DDX3X: variants seen among roughly 807,000 people sequenced by gnomAD.
The protein encoded by DDX3X is DEAD-box helicase 3 X-linked.
Under a neutral mutation model 52.7 loss-of-function variants are expected in DDX3X, and 4 were observed. The ratio of observed to expected loss-of-function variants is 0.08; its 90% confidence interval spans 0.04 to 0.17. The LOEUF is 0.17. DDX3X is among the 10% of genes least tolerant of loss of function. The pLI is 1.00. For missense variants in DDX3X, 222 were observed against 548.6 expected, an observed-to-expected ratio of 0.40 and a Z score of 5.95; for synonymous variants, 192 against 178.1, an observed-to-expected ratio of 1.08 and a Z score of -0.62.
chrX:41,352,528 T>C (rs2063993080), downstream of DDX3X, among the ~76,000 whole-genome samples: 1 of 111,495 alleles, frequency 9.0e-6, no homozygotes, highest in South Asian at 3.7e-4. Context: ...GATCTTTCAG[T>C]GCAAGGCGAG....
chrX:41,347,048 T>C lies in DDX3X; in HGVS notation c.1769+36T>C, dbSNP rs190178652. The C allele has an allele frequency of 7.6e-5, 86 of 1,133,357 alleles. No individual in the cohort carries two copies. The East Asian group carries it at 2.5e-3, about 33-fold the overall frequency. 93.4% of individuals were successfully genotyped at this position (1,133,357 alleles called of 1,213,427 possible). ...AATAGTATATAATGAGGGGAATGGG[T>C]GTTCACTTACAGTTCATAGTGTTTC... On this transcript the variant is annotated intron_variant, in intron 15 of 16. Coordinates refer to ENST00000644876, the MANE Select transcript of DDX3X (RefSeq NM_001356.5).
downstream of DDX3X, chrX:41,351,765 T>C (rs1285316143): frequency 9.0e-6 from 1 of 111,598 alleles, no homozygotes; most frequent in African/African-American, 3.2e-5. Context: ...TAATGACTAC[T>C]CTTCAATTTC....
chrX:41,352,857 C>G (rs2063994340), downstream of DDX3X, among the ~76,000 whole-genome samples: 1 of 111,556 alleles, frequency 9.0e-6, no homozygotes, highest in Non-Finnish European at 1.9e-5. Flanking sequence ...CTGTTCACTC[C>G]CCTTCTTTTT....
At chrX:41,363,797 C>CAAAG (rs1569246537) in intron 5 of DDX3X, among the ~76,000 whole-genome samples, 1 of 110,516 alleles carries the variant, frequency 9.0e-6, no homozygotes, top group Admixed American at 9.7e-5. Flanking sequence ...ACAAAAGAAA[C>CAAAG]AAACAAACAA....
Position 41,341,671 on chromosome X carries a change from G to A in DDX3X, c.284+55G>A, listed in dbSNP as rs755168116. The A allele has an allele frequency of 2.1e-3, 2,284 of 1,095,262 alleles. 1 individual carries two copies. Among genetic ancestry groups the A allele is most frequent in the Non-Finnish European group, 2.6e-3 (2,059 of 799,549 alleles). 90.3% of individuals were successfully genotyped at this position (1,095,262 alleles called of 1,213,427 possible). A position where few individuals can be genotyped will look rare whatever the true frequency, so the allele number is the denominator to read the frequency against. On this transcript the variant is annotated intron_variant, in intron 4 of 16. Coordinates refer to ENST00000644876, the MANE Select transcript of DDX3X (RefSeq NM_001356.5). ...ATGTATAATAACAGTTTAATAAGTC[G>A]TTATCCTGACCACCTGTTTGGATGT...
intron 5 of DDX3X, among the ~76,000 whole-genome samples, chrX:41,360,335 G>A (rs1478720021): frequency 9.3e-6 from 1 of 107,502 alleles, no homozygotes; most frequent in Non-Finnish European, 1.9e-5. Flanking sequence ...CTGAGACCAT[G>A]CCATTGTATT....
chrX:41,354,344 C>CTTTTTT (rs60965317), downstream of DDX3X, among the ~76,000 whole-genome samples: 3 of 69,943 alleles, frequency 4.3e-5, no homozygotes, highest in East Asian at 7.8e-4. Flanking sequence ...TGTGCTACCT[C>CTTTTTT]TTTTTTTTTT....
chrX:41,337,612 T>G (rs746296937), intron 2 of DDX3X, 147 bp downstream of exon 2: 18 of 438,826 alleles, frequency 4.1e-5, no homozygotes, highest in Admixed American at 9.5e-5. Context: ...AATTATGTAG[T>G]ACTTAGTGAT....
chrX:41,333,809 G>A (rs778202850), upstream of DDX3X: 1 of 130,122 alleles, frequency 7.7e-6, no homozygotes, highest in Admixed American at 8.7e-5. Context: ...GGGGCGAAGA[G>A]GCCTAGGTTA....
upstream of DDX3X, chrX:41,334,058 C>A: frequency 2.3e-6 from 1 of 437,758 alleles, no homozygotes; most frequent in South Asian, 3.7e-5. Context: ...CAGAAGTCGC[C>A]GCGACAGGGA....
chrX:41,345,923 T>C (rs1027762966), intron 12 of DDX3X: 8 of 269,732 alleles, frequency 3.0e-5, no homozygotes, highest in Non-Finnish European at 4.5e-5. Context: ...CCATTTGGGC[T>C]GGGTGCAGTG....
Position 41,339,034 on chromosome X carries a change from A to T in DDX3X, c.104-2A>T. The T allele has an allele frequency of 1.0e-6, 1 of 977,039 alleles. No individual in the cohort carries two copies. The highest frequency in any genetic ancestry group is 1.3e-6 in the Non-Finnish European group (1 of 748,769). 80.5% of individuals were successfully genotyped at this position (977,039 alleles called of 1,213,427 possible). The stretch of plus-strand genomic sequence containing the variant: ...ATTTTATATATATATATATTTTTTT[A>T]GAAGGGCGCTATATTCCTCCTCATT... On this transcript the variant is annotated splice_acceptor_variant, in intron 2 of 16. Transcript: ENST00000644876. LOFTEE classifies it high-confidence loss of function.
At position 41,341,509 on chromosome X, in the gene DDX3X, G is replaced by C. The variant is rs757106048; in HGVS notation, c.177G>C (p.Gly59=). 1.7e-6 allele frequency: 2 copies of C among 1,205,687 alleles called. No individual in the cohort carries two copies. Among genetic ancestry groups the C allele is most frequent in the African/African-American group, 3.5e-5 (2 of 57,113 alleles). Residue 59 remains glycine, a synonymous_variant, in exon 4 of 17, where the codon GGG becomes GGC. Transcript: ENST00000644876. The part of the protein sequence containing the change: ...TKGFYDKDSS[G]WSSSKDKDAY... ...GTTTCTACGATAAAGACAGTTCAGG[G>C]TGGAGTTCTAGCAAAGATAAGGATG...
chrX:41,342,614 A>G lies in DDX3X; in HGVS notation c.404A>G (p.Asp135Gly). Residue 135 changes from aspartate (D) to glycine (G), a missense_variant, in exon 5 of 17, where the codon GAT becomes GGT. Transcript: ENST00000644876. ...SRWCDKSDED[D>G]WSKPLPPSER... is the part of the protein sequence containing the mutation. ...TGGTGTGACAAATCAGATGAAGATG[A>G]TTGGTCAAAACCACTCCCACCAAGT... 2.5e-6 allele frequency: 3 copies of G among 1,211,962 alleles called. No homozygotes were observed. The highest frequency in any genetic ancestry group is 2.2e-6 in the Non-Finnish European group (2 of 895,581).
intron 5 of DDX3X, among the ~76,000 whole-genome samples, chrX:41,358,749 G>A (rs1160176119): frequency 2.7e-5 from 3 of 110,571 alleles, no homozygotes; most frequent in East Asian, 2.8e-4. Context: ...TTTATTGTGC[G>A]GGGATTTTTT....
upstream of DDX3X, chrX:41,334,073 C>G: frequency 2.2e-6 from 1 of 449,205 alleles, no homozygotes; most frequent in Middle Eastern, 6.2e-4. Context: ...CAGGGAATTG[C>G]GGTGTGAGAG....
intron 5 of DDX3X, among the ~76,000 whole-genome samples, chrX:41,359,052 G>A (rs1306032609): frequency 8.9e-6 from 1 of 112,228 alleles, no homozygotes; most frequent in Non-Finnish European, 1.9e-5. Flanking sequence ...CACTGTGCCT[G>A]GCCTGTACAG....
intron 1 of DDX3X, 87 bp downstream of exon 1, chrX:41,334,384 C>T (rs2063724011): frequency 1.0e-5 from 12 of 1,153,530 alleles, no homozygotes; most frequent in Non-Finnish European, 1.2e-5. Context: ...CTAACCGGCA[C>T]CCTTACTTTT....
rs780646477 is a variant in DDX3X at position 41,343,988 on chromosome X, CAG to C, written c.766-41_766-40del. On this transcript the variant is annotated intron_variant, in intron 8 of 16. Transcript: ENST00000644876. Reference sequence around the variant, plus strand: ...ATTATGTTGTGATGAACTTTTCAAACAGGGTAGGTAGAGTTAACTTAAAAATT... The same window carrying C: ...ATTATGTTGTGATGAACTTTTCAAACGGTAGGTAGAGTTAACTTAAAAATT... 2.8e-5 allele frequency: 30 copies of C among 1,087,051 alleles called. No individual in the cohort carries two copies. In the African/African-American group the frequency reaches 3.2e-4, roughly 12 times the overall value. The allele number at this position is 1,087,051 out of a possible 1,213,427, so 89.6% of individuals were successfully genotyped here. A position where few individuals can be genotyped will look rare whatever the true frequency, so the allele number is the denominator to read the frequency against.
Sources: gnomAD v4.1 joint callset for allele counts (sites outside exome capture counted in the v4.1 genomes callset) on GRCh38, gnomAD v4.1.1 for gene constraint, MANE v1.5 for transcripts, NCBI Gene and HGNC (gene_info 2026-07-23, HGNC 2026-07-21) for gene names.